The following CDH13 variants were observed in gnomAD, a reference collection of about 807,000 sequenced individuals.
CDH13 encodes the protein cadherin-13.
A neutral mutation model predicts 63.8 loss-of-function variants in CDH13; 24 were observed. That is an observed-to-expected ratio of 0.38 (90% CI 0.27 to 0.53). The LOEUF is 0.53. Ranked by LOEUF, CDH13 falls within the 20% of genes least tolerant of loss-of-function variation. The pLI is 0.85. For missense variants in CDH13, 1,049 were observed against 903.1 expected, an observed-to-expected ratio of 1.16 and a Z score of -2.07; for synonymous variants, 503 against 355.3, an observed-to-expected ratio of 1.42 and a Z score of -4.67.
At chr16:82,986,716 A>G in intron 2 of CDH13, among the ~76,000 whole-genome samples, 1 of 152,222 alleles carries the variant, frequency 6.6e-6, no homozygotes, top group Non-Finnish European at 1.5e-5. Flanking sequence ...ATCCAATAGT[A>G]CCTGCTGGTC....
At chr16:83,734,921 C>T (rs1911395182) in intron 10 of CDH13, among the ~76,000 whole-genome samples, 1 of 149,676 alleles carries the variant, frequency 6.7e-6, no homozygotes, top group African/African-American at 2.5e-5. Context: ...TGGTTGGCTT[C>T]TTGAGAAAGG....
At chr16:83,007,807 G>T (rs1238153173) in intron 2 of CDH13, among the ~76,000 whole-genome samples, 1 of 148,782 alleles carries the variant, frequency 6.7e-6, no homozygotes, top group East Asian at 1.9e-4. Context: ...CTGGGCAACA[G>T]AGCAAGACGA....
At chr16:83,354,737 G>A (rs941702092) in intron 6 of CDH13, among the ~76,000 whole-genome samples, 7 of 152,264 alleles carry the variant, frequency 4.6e-5, no homozygotes, top group South Asian at 2.1e-4. Flanking sequence ...CCTGAGGGAC[G>A]GTAGTACCAG....
At chr16:83,008,426 G>C (rs1274668619) in intron 2 of CDH13, among the ~76,000 whole-genome samples, 1 of 152,202 alleles carries the variant, frequency 6.6e-6, no homozygotes, top group East Asian at 1.9e-4. Flanking sequence ...CCCTGAGGCG[G>C]AGAATGCCTG....
chr16:82,993,987 T>C (rs1020913640), intron 2 of CDH13, among the ~76,000 whole-genome samples: 3 of 152,148 alleles, frequency 2.0e-5, no homozygotes, highest in African/African-American at 7.2e-5. Flanking sequence ...TCTTTCCCCA[T>C]CATTATATCC....
intron 2 of CDH13, among the ~76,000 whole-genome samples, chr16:83,020,491 G>A (rs953895670): frequency 1.1e-4 from 17 of 152,120 alleles, no homozygotes; most frequent in African/African-American, 3.4e-4. Flanking sequence ...CTCTCTACCA[G>A]AACAAAGCCA....
chr16:82,745,213 C>T (rs897810480), intron 1 of CDH13, among the ~76,000 whole-genome samples: 7 of 152,062 alleles, frequency 4.6e-5, no homozygotes, highest in Non-Finnish European at 7.3e-5. Context: ...GTGCGTGGGG[C>T]GATGCCATTC....
Position 83,796,566 on chromosome 16 carries a change from C to A in CDH13, c.*1536C>A, listed in dbSNP as rs1306657423. ...TATAGAATGCAGAGATTTTTTTTTC[C>A]ATTAAAATAAATGGGTATTGGTGGT... On this transcript the variant is annotated 3_prime_UTR_variant, in exon 14 of 14. Transcript: ENST00000567109. 1 of 151,554 alleles carries A rather than the reference C, an allele frequency of 6.6e-6. No homozygotes were observed. The highest frequency in any genetic ancestry group is 1.5e-5 in the Non-Finnish European group (1 of 67,866). The allele number at this position is 151,554 out of a possible 1,614,324, so 9.4% of individuals were successfully genotyped here. A position where few individuals can be genotyped will look rare whatever the true frequency, so the allele number is the denominator to read the frequency against.
chr16:83,506,234 A>G (rs186523454), intron 7 of CDH13, among the ~76,000 whole-genome samples: 17 of 152,288 alleles, frequency 1.1e-4, no homozygotes, highest in African/African-American at 3.8e-4. Flanking sequence ...AAGAGTATAG[A>G]CAAGCTCCTC....
chr16:82,887,293 G>C (rs371197417), intron 2 of CDH13, among the ~76,000 whole-genome samples: 1 of 152,222 alleles, frequency 6.6e-6, no homozygotes. Flanking sequence ...TTTGGCCCAG[G>C]AGTTTGCTGA....
intron 10 of CDH13, among the ~76,000 whole-genome samples, chr16:83,709,162 A>C (rs1907614544): frequency 2.0e-5 from 3 of 152,252 alleles, no homozygotes; most frequent in African/African-American, 7.2e-5. Flanking sequence ...CAAGGAATGC[A>C]GGCATCTCTA....
chr16:83,161,693 C>T (rs1423814315), intron 4 of CDH13, among the ~76,000 whole-genome samples: 1 of 152,138 alleles, frequency 6.6e-6, no homozygotes, highest in Non-Finnish European at 1.5e-5. Context: ...AATCACCCAC[C>T]ATGGTTCTCT....
At chr16:82,991,878 C>T (rs540812278) in intron 2 of CDH13, among the ~76,000 whole-genome samples, 1 of 151,942 alleles carries the variant, frequency 6.6e-6, no homozygotes, top group African/African-American at 2.4e-5. Flanking sequence ...CGCTTCACAT[C>T]ATTATCTAGG....
chr16:82,793,031 C>T (rs2036398394), intron 1 of CDH13, among the ~76,000 whole-genome samples: 1 of 152,222 alleles, frequency 6.6e-6, no homozygotes, highest in Non-Finnish European at 1.5e-5. Flanking sequence ...TGACTTTGGG[C>T]AGCAGTCTGC....
intron 1 of CDH13, among the ~76,000 whole-genome samples, chr16:82,800,281 G>C (rs575380245): frequency 2.0e-5 from 3 of 152,108 alleles, no homozygotes; most frequent in Admixed American, 6.5e-5. Flanking sequence ...CATTCAGTAG[G>C]TTAGGTCTCC....
chr16:83,609,107 G>A (rs368127910), intron 8 of CDH13, among the ~76,000 whole-genome samples: 9 of 152,204 alleles, frequency 5.9e-5, no homozygotes, highest in African/African-American at 2.2e-4. Flanking sequence ...CAAATTTAAG[G>A]ACGTTTCTGT....
chr16:83,453,259 G>C (rs1232073927), intron 6 of CDH13, among the ~76,000 whole-genome samples: 1 of 152,100 alleles, frequency 6.6e-6, no homozygotes, highest in Non-Finnish European at 1.5e-5. Context: ...TACAAATTGA[G>C]TTCAGTGTAC....
chr16:83,183,549 A>T (rs969017245), intron 4 of CDH13, among the ~76,000 whole-genome samples: 3 of 152,150 alleles, frequency 2.0e-5, no homozygotes, highest in Non-Finnish European at 4.4e-5. Flanking sequence ...ATTAAACTCA[A>T]TTTTTCTTCA....
intron 4 of CDH13, among the ~76,000 whole-genome samples, chr16:83,136,462 G>A (rs1220918805): frequency 2.0e-5 from 3 of 149,804 alleles, no homozygotes; most frequent in Non-Finnish European, 3.0e-5. Flanking sequence ...CTCCAGCCTG[G>A]GCGACAGAGC....
Sources: gnomAD v4.1 joint callset for allele counts (sites outside exome capture counted in the v4.1 genomes callset) on GRCh38, gnomAD v4.1.1 for gene constraint, MANE v1.5 for transcripts, NCBI Gene and HGNC (gene_info 2026-07-23, HGNC 2026-07-21) for gene names.